The following SNRNP25 variants were observed in gnomAD, a reference collection of about 807,000 sequenced individuals.
SNRNP25 encodes the protein U11/U12 small nuclear ribonucleoprotein 25 kDa protein.
A neutral mutation model predicts 23.9 loss-of-function variants in SNRNP25; 21 were observed. The ratio of observed to expected loss-of-function variants is 0.88; its 90% confidence interval spans 0.62 to 1.27. The LOEUF (loss-of-function observed/expected upper bound fraction) is 1.27. Among genes scored for constraint, SNRNP25 ranks in the 50% most tolerant of loss-of-function variants. The pLI is 0.00. For synonymous variants in SNRNP25, 63 were observed against 60.4 expected (o/e 1.04, Z -0.20); for missense variants, 160 against 156.9 (o/e 1.02, Z -0.11).
Position 53,893 on chromosome 16 carries a change from G to A in SNRNP25, c.-124G>A. 2 of 1,505,142 alleles carry A rather than the reference G, an allele frequency of 1.3e-6. No individual in the cohort carries two copies. The highest frequency in any genetic ancestry group is 1.8e-6 in the Non-Finnish European group (2 of 1,111,300). 93.2% of individuals were successfully genotyped at this position (1,505,142 alleles called of 1,614,324 possible). On this transcript the variant is annotated 5_prime_UTR_variant, in exon 1 of 5. Transcript: ENST00000293861. The stretch of plus-strand genomic sequence containing the variant: ...CTGGCAGTGCGGGCAGAGCCCGGCT[G>A]AGAGGGGCGGCCCTGGAGGAGACGG...
At chr16:55,353 C>T (rs941545777) in intron 1 of SNRNP25, 106 bp from the exon 2 acceptor site, 28 of 956,580 alleles carry the variant, frequency 2.9e-5, no homozygotes, top group South Asian at 5.6e-5. Flanking sequence ...CCTTGCCCTT[C>T]GTAAAATGGA....
At chr16:56,980 C>A in intron 4 of SNRNP25, 106 bp from the exon 5 acceptor site, 2 of 1,280,546 alleles carry the variant, frequency 1.6e-6, no homozygotes, top group South Asian at 1.2e-5. Context: ...AGAAGCCACA[C>A]GCCTCCCCTC....
Position 57,405 on chromosome 16 carries a change from G to C in SNRNP25, c.*262G>C, listed in dbSNP as rs997438038. The C allele has an allele frequency of 4.7e-5, 26 of 553,438 alleles. No individual in the cohort carries two copies. Among genetic ancestry groups the C allele is most frequent in the African/African-American group, 4.5e-4 (24 of 53,276 alleles). The allele number at this position is 553,438 out of a possible 1,614,324, so 34.3% of individuals were successfully genotyped here. ...TGCCCTAGTCACATGGCAGACCCAC[G>C]GCCTGGCCCACTGTATAAAATAAAC... On this transcript the variant is annotated 3_prime_UTR_variant, in exon 5 of 5. Coordinates refer to ENST00000293861, the MANE Select transcript of SNRNP25 (RefSeq NM_024571.4).
intron 1 of SNRNP25, 42 bp downstream of exon 1, chr16:54,100 G>C (rs781100807): frequency 8.0e-5 from 124 of 1,554,292 alleles, no homozygotes; most frequent in Non-Finnish European, 1.0e-4. Flanking sequence ...GTCGTTCCCC[G>C]GGGTCCGGGC....
chr16:54,104 T>A, intron 1 of SNRNP25, 46 bp downstream of exon 1: 2 of 1,530,058 alleles, frequency 1.3e-6, no homozygotes, highest in Non-Finnish European at 1.8e-6. Flanking sequence ...TTCCCCGGGG[T>A]CCGGGCATCC....
chr16:54,093 G>T, intron 1 of SNRNP25, 35 bp downstream of exon 1: 1 of 1,575,790 alleles, frequency 6.3e-7, no homozygotes, highest in Non-Finnish European at 8.6e-7. Context: ...CGCGGGAGTC[G>T]TTCCCCGGGG....
In SNRNP25 at chr16:53,831, G is replaced by C. The variant is rs1264674808; in HGVS notation, c.-186G>C. ...GGCGGCCTCGCTGGGGCGGGCCGCA[G>C]TTCCTGCGCGTGCGCGCTTGGCCTC... On this transcript the variant is annotated 5_prime_UTR_variant, in exon 1 of 5. Transcript: ENST00000293861. 2.2e-6 allele frequency: 3 copies of C among 1,393,186 alleles called. No homozygotes were observed. Among genetic ancestry groups the C allele is most frequent in the African/African-American group, 1.5e-5 (1 of 66,460 alleles). The allele number at this position is 1,393,186 out of a possible 1,614,324, so 86.3% of individuals were successfully genotyped here.
chr16:56,201 T>A (rs1897404469), intron 3 of SNRNP25: 1 of 664,322 alleles, frequency 1.5e-6, no homozygotes, highest in Admixed American at 2.1e-5. Flanking sequence ...TCCCTAGTTT[T>A]GGATGGTACA....
At position 57,192 on chromosome 16, in the gene SNRNP25, C is replaced by G. The variant is rs749935069; in HGVS notation, c.*49C>G. The G allele has an allele frequency of 4.9e-5, 78 of 1,593,044 alleles. No individual in the cohort carries two copies. The highest frequency in any genetic ancestry group is 6.3e-5 in the Non-Finnish European group (73 of 1,161,394). On this transcript the variant is annotated 3_prime_UTR_variant, in exon 5 of 5. Transcript: ENST00000293861. ...TCATCACTGGTGGCTGAGCTTTTTC[C>G]CAGCAGGAATGGGTCCTCGAATCAT... is the stretch of plus-strand genomic sequence containing the variant.
At chr16:54,342 G>T (rs908337325) in intron 1 of SNRNP25, among the ~76,000 whole-genome samples, 2 of 152,182 alleles carry the variant, frequency 1.3e-5, no homozygotes, top group African/African-American at 2.4e-5. Flanking sequence ...GCCCGGGCTG[G>T]AGTGCAGCGG....
Position 53,841 on chromosome 16 carries a change from G to C in SNRNP25, c.-176G>C. ...CTGGGGCGGGCCGCAGTTCCTGCGC[G>C]TGCGCGCTTGGCCTCCCTAGTGCGG... On this transcript the variant is annotated 5_prime_UTR_variant, in exon 1 of 5. Transcript: ENST00000293861. 2 of 1,395,916 alleles carry C rather than the reference G, an allele frequency of 1.4e-6. No individual in the cohort carries two copies. Among genetic ancestry groups the C allele is most frequent in the African/African-American group, 1.5e-5 (1 of 65,616 alleles). The allele number at this position is 1,395,916 out of a possible 1,614,324, so 86.5% of individuals were successfully genotyped here.
rs758447619 is a variant in SNRNP25, at chr16:57,179, G to A, written c.*36G>A. 1 of 1,609,478 alleles carries A rather than the reference G, an allele frequency of 6.2e-7. No homozygotes were observed. The highest frequency in any genetic ancestry group is 1.7e-5 in the Admixed American group (1 of 59,980). ...AGGACAACCCTCTTCATCACTGGTG[G>A]CTGAGCTTTTTCCCAGCAGGAATGG... On this transcript the variant is annotated 3_prime_UTR_variant, in exon 5 of 5. Transcript: ENST00000293861.
chr16:54,725 T>C (rs1388914137), intron 1 of SNRNP25, among the ~76,000 whole-genome samples: 1 of 152,198 alleles, frequency 6.6e-6, no homozygotes, highest in East Asian at 1.9e-4. Flanking sequence ...TATTTATTTA[T>C]TTATTTATTT....
At chr16:55,140 T>C (rs1212257458) in intron 1 of SNRNP25, 2 of 276,044 alleles carry the variant, frequency 7.2e-6, no homozygotes, top group Non-Finnish European at 7.0e-6. Context: ...TGGGTCCTGA[T>C]GATCAGGGAT....
intron 4 of SNRNP25, 100 bp from the exon 5 acceptor site, chr16:56,986 C>T: frequency 1.5e-6 from 2 of 1,335,974 alleles, no homozygotes; most frequent in Non-Finnish European, 2.1e-6. Context: ...CACACGCCTC[C>T]CCTCTGTTGT....
At chr16:56,990 C>A in intron 4 of SNRNP25, 96 bp from the exon 5 acceptor site, 1 of 1,386,198 alleles carries the variant, frequency 7.2e-7, no homozygotes, top group Non-Finnish European at 1.0e-6. Flanking sequence ...CGCCTCCCCT[C>A]TGTTGTTTCT....
intron 2 of SNRNP25, 58 bp downstream of exon 2, chr16:55,607 C>A (rs981533289): frequency 1.3e-6 from 2 of 1,595,766 alleles, no homozygotes; most frequent in African/African-American, 1.3e-5. Context: ...AGCAGGAAGA[C>A]CTAACAGTGC....
At chr16:56,858 G>A (rs112018429) in intron 4 of SNRNP25, among the ~76,000 whole-genome samples, 18 of 152,344 alleles carry the variant, frequency 1.2e-4, no homozygotes, top group African/African-American at 4.3e-4. Context: ...AGTGGGCATG[G>A]AGGCGAAAGG....
intron 3 of SNRNP25, 149 bp from the exon 4 acceptor site, chr16:56,390 C>A (rs1490812875): frequency 2.5e-6 from 2 of 789,668 alleles, no homozygotes; most frequent in Admixed American, 2.0e-5. Context: ...CTGCCTCAGA[C>A]CCAATCTGCA....
Sources: gnomAD v4.1 joint callset for allele counts (sites outside exome capture counted in the v4.1 genomes callset) on GRCh38, gnomAD v4.1.1 for gene constraint, MANE v1.5 for transcripts, NCBI Gene and HGNC (gene_info 2026-07-23, HGNC 2026-07-21) for gene names.